Variants in LRP1B observed in about 807,000 individuals in gnomAD.
LRP1B encodes LDL receptor related protein 1B, also known as low-density lipoprotein receptor-related protein 1B.
A neutral mutation model predicts 556.6 loss-of-function variants in LRP1B; 217 were observed. The ratio of observed to expected loss-of-function variants is 0.39; its 90% CI spans 0.35 to 0.44. The LOEUF is 0.44. Ranked by LOEUF, LRP1B falls within the 20% of genes least tolerant of loss-of-function variation. The pLI is 1.00. For synonymous variants in LRP1B, 2,047 were observed against 1,865.8 expected, an observed-to-expected ratio of 1.10 and a Z score of -2.50; for missense variants, 5,053 against 5,620.8, an observed-to-expected ratio of 0.90 and a Z score of 3.23.
intron 2 of LRP1B, among the ~76,000 whole-genome samples, chr2:141,628,519 T>C (rs1258072546): frequency 2.0e-5 from 3 of 152,110 alleles, no homozygotes; most frequent in East Asian, 3.9e-4. Flanking sequence ...CTATGAAATT[T>C]TAAGAAACAG....
At chr2:141,519,404 A>ATATATAT (rs1559118212) in intron 2 of LRP1B, among the ~76,000 whole-genome samples, 28 of 9,380 alleles carry the variant, frequency 3.0e-3, no homozygotes, top group African/African-American at 0.01. Flanking sequence ...TATATATATG[A>ATATATAT]AATGCAATAT....
Position 140,741,987 on chromosome 2 carries a change from T to C in LRP1B, c.5759-25171A>G, listed in dbSNP as rs556426359. Among the ~76,000 whole-genome samples, 5 of 152,314 alleles carry C rather than the reference T, an allele frequency of 3.3e-5. No individual in the cohort carries two copies. The East Asian group carries it at 9.6e-4, about 29-fold the overall frequency. On this transcript the variant is annotated intron_variant, in intron 35 of 90. Coordinates refer to ENST00000389484, the MANE Select transcript of LRP1B (RefSeq NM_018557.3). ...CATATTCCATACACACTAGTATTAG[T>C]TGACTATCTTACTTAATCCGTTCAT...
At chr2:141,180,487 C>A (rs1414084726) in intron 7 of LRP1B, among the ~76,000 whole-genome samples, 2 of 151,916 alleles carry the variant, frequency 1.3e-5, no homozygotes, top group Admixed American at 1.3e-4. Context: ...ACTTGAGACT[C>A]ACTTTATAAG....
intron 1 of LRP1B, among the ~76,000 whole-genome samples, chr2:141,879,781 G>A (rs1171021116): frequency 1.3e-5 from 2 of 151,884 alleles, no homozygotes; most frequent in African/African-American, 2.4e-5. Context: ...TACATGGAAC[G>A]TCTCATAATT....
At chr2:140,577,947 C>A (rs1333977069) in intron 43 of LRP1B, among the ~76,000 whole-genome samples, 1 of 152,090 alleles carries the variant, frequency 6.6e-6, no homozygotes, top group Non-Finnish European at 1.5e-5. Flanking sequence ...TAACCTTCCT[C>A]TCTAATCTCT....
At chr2:140,624,904 A>G (rs1683600636) in intron 41 of LRP1B, among the ~76,000 whole-genome samples, 1 of 152,214 alleles carries the variant, frequency 6.6e-6, no homozygotes, top group Admixed American at 6.5e-5. Flanking sequence ...GCATATTCCT[A>G]TGGAAGAACA....
At chr2:140,959,479 A>G (rs112481279) in intron 18 of LRP1B, among the ~76,000 whole-genome samples, 2 of 151,702 alleles carry the variant, frequency 1.3e-5, no homozygotes, top group African/African-American at 4.8e-5. Flanking sequence ...AATAATTACT[A>G]CTAAAATGAA....
chr2:141,327,896 G>GAGAA (rs1553496584), intron 3 of LRP1B, among the ~76,000 whole-genome samples: 4,118 of 151,804 alleles, frequency 0.027, 184 homozygotes, highest in African/African-American at 0.095. Flanking sequence ...GAGAGAGAGA[G>GAGAA]AGAGACAGAC....
In LRP1B at chr2:141,033,126, C is replaced by T. The variant is rs541293856; in HGVS notation, c.1790-13024G>A. On this transcript the variant is annotated intron_variant, in intron 11 of 90. Transcript: ENST00000389484. Reference sequence around the variant, plus strand: ...GGCATGTACAGGACAGAAAACAGCACGTGGTAAAGGCCCTGAGGTGGCAAG... The same window carrying T: ...GGCATGTACAGGACAGAAAACAGCATGTGGTAAAGGCCCTGAGGTGGCAAG... Among the ~76,000 whole-genome samples the T allele has an allele frequency of 6.6e-5, 10 of 151,672 alleles. No individual in the cohort carries two copies. In the South Asian group the frequency reaches 1.7e-3, roughly 25 times the overall value.
intron 2 of LRP1B, among the ~76,000 whole-genome samples, chr2:141,576,717 G>C (rs1686761414): frequency 6.9e-6 from 1 of 144,598 alleles, no homozygotes; most frequent in South Asian, 2.2e-4. Context: ...TCCTGCTACT[G>C]CATGCCAGCC....
chr2:141,071,213 A>G (rs2105483093), intron 7 of LRP1B, among the ~76,000 whole-genome samples: 1 of 149,824 alleles, frequency 6.7e-6, no homozygotes, highest in South Asian at 2.1e-4. Flanking sequence ...ACGCAAATCA[A>G]TAAATGTAAT....
intron 25 of LRP1B, among the ~76,000 whole-genome samples, chr2:140,872,271 C>T (rs1486672229): frequency 6.7e-6 from 1 of 149,660 alleles, no homozygotes. Flanking sequence ...CGGGGAAAAC[C>T]GTCTGTTTTT....
intron 41 of LRP1B, chr2:140,683,692 C>T (rs965288652): frequency 4.5e-5 from 32 of 712,548 alleles, no homozygotes; most frequent in South Asian, 1.2e-4. Flanking sequence ...GCCTTCACTC[C>T]GGGCTGGACT....
At position 141,906,770 on chromosome 2, in the gene LRP1B, G is replaced by T. The variant is rs547334666; in HGVS notation, c.83-96369C>A. On this transcript the variant is annotated intron_variant, in intron 1 of 90. Coordinates refer to ENST00000389484, the MANE Select transcript of LRP1B (RefSeq NM_018557.3). ...CATATTTGTGTAAGTGTGTTTGTGT[G>T]TTAACTTTCTTTGTGGTTACAAAGT... Among the ~76,000 whole-genome samples, 18 of 152,156 alleles carry T rather than the reference G, an allele frequency of 1.2e-4. No individual in the cohort carries two copies. In the South Asian group the frequency reaches 3.7e-3, roughly 32 times the overall value.
chr2:141,024,390 C>T (rs1698158555), intron 11 of LRP1B, among the ~76,000 whole-genome samples: 1 of 151,956 alleles, frequency 6.6e-6, no homozygotes, highest in Admixed American at 6.6e-5. Flanking sequence ...ATGTAGAGTG[C>T]ATATAAGGGT....
At chr2:141,969,687 G>A (rs1009902032) in intron 1 of LRP1B, among the ~76,000 whole-genome samples, 3 of 151,560 alleles carry the variant, frequency 2.0e-5, no homozygotes, top group Non-Finnish European at 4.4e-5. Flanking sequence ...CCTGGCTATT[G>A]GGAATAGTGC....
chr2:140,645,054 C>T (rs774282204), intron 41 of LRP1B, among the ~76,000 whole-genome samples: 17 of 152,000 alleles, frequency 1.1e-4, no homozygotes, highest in Admixed American at 3.9e-4. Flanking sequence ...TTATGTGTAG[C>T]CATTATTTCT....
chr2:141,998,556 T>A (rs996891659), intron 1 of LRP1B, among the ~76,000 whole-genome samples: 1 of 152,214 alleles, frequency 6.6e-6, no homozygotes, highest in Admixed American at 6.5e-5. Context: ...CAAGTCTCAA[T>A]CAATTTAGAG....
At chr2:141,494,832 A>C (rs1338642419) in intron 2 of LRP1B, among the ~76,000 whole-genome samples, 3 of 111,260 alleles carry the variant, frequency 2.7e-5, no homozygotes, top group Non-Finnish European at 4.0e-5. Context: ...TGAAACACAC[A>C]CACACAAACA....
Sources: gnomAD v4.1 joint callset for allele counts (sites outside exome capture counted in the v4.1 genomes callset) on GRCh38, gnomAD v4.1.1 for gene constraint, MANE v1.5 for transcripts, NCBI Gene and HGNC (gene_info 2026-07-23, HGNC 2026-07-21) for gene names.